The following NOTCH2NLC variants were observed in gnomAD, a reference collection of about 807,000 sequenced individuals.
NOTCH2NLC encodes the protein notch 2 N-terminal like C, also known as notch homolog 2 N-terminal-like protein C.
In NOTCH2NLC, 4 loss-of-function variants were observed where a neutral mutation model predicts 17.7. The observed-to-expected ratio is 0.23, with a 90% CI of 0.11 to 0.52. The LOEUF (loss-of-function observed/expected upper bound fraction) is 0.52. Ranked by LOEUF, NOTCH2NLC falls within the 20% of genes least tolerant of loss-of-function variation. The pLI is 0.96. For synonymous variants in NOTCH2NLC, 18 were observed against 86.0 expected (o/e 0.21, Z 4.38); for missense variants, 57 against 207.2 (o/e 0.28, Z 4.45).
In NOTCH2NLC at chr1:149,446,210, G is replaced by C. The variant is rs1188897817; in HGVS notation, c.210-9108G>C. 5.5e-5 allele frequency among the ~76,000 whole-genome samples: 5 copies of C among 91,040 alleles called. No individual in the cohort carries two copies. In the East Asian group the frequency reaches 8.8e-4, roughly 16 times the overall value. The allele number at this position is 91,040 out of a possible 152,430, so 59.7% of individuals were successfully genotyped here. ...CCTGAACTGCAGCCATTGCCAGATA[G>C]ATTGGAATTGCTATTCAGATCCCAG... is the stretch of plus-strand genomic sequence containing the variant. On this transcript the variant is annotated intron_variant, in intron 2 of 4. Transcript: ENST00000650865.
At chr1:149,398,558 A>G in intron 1 of NOTCH2NLC, among the ~76,000 whole-genome samples, 1 of 150,572 alleles carries the variant, frequency 6.6e-6, no homozygotes, top group East Asian at 2.0e-4. Flanking sequence ...ACCCTTTTGT[A>G]CTTGTCTTGG....
At chr1:149,395,974 C>G (rs1429108724) in intron 1 of NOTCH2NLC, among the ~76,000 whole-genome samples, 4 of 150,902 alleles carry the variant, frequency 2.7e-5, no homozygotes, top group African/African-American at 9.7e-5. Flanking sequence ...ACACACATTT[C>G]TTCTCTGTAC....
chr1:149,424,567 TG>T (rs2084400943), intron 1 of NOTCH2NLC, among the ~76,000 whole-genome samples: 3 of 150,938 alleles, frequency 2.0e-5, no homozygotes, highest in South Asian at 2.1e-4. Flanking sequence ...ATTGAGTTTT[TG>T]CTCACATATA....
At chr1:149,448,875 G>A (rs1241368485) in intron 2 of NOTCH2NLC, among the ~76,000 whole-genome samples, 1 of 144,182 alleles carries the variant, frequency 6.9e-6, no homozygotes, top group Non-Finnish European at 1.5e-5. Flanking sequence ...CCATCTACTA[G>A]CTGTGAATTT....
At chr1:149,416,572 G>C (rs1267247951) in intron 1 of NOTCH2NLC, among the ~76,000 whole-genome samples, 1 of 91,766 alleles carries the variant, frequency 1.1e-5, no homozygotes, top group African/African-American at 4.2e-5. Context: ...GTAAAATCTT[G>C]TCAAGATAGG....
chr1:149,439,996 G>A (rs1195738537), intron 2 of NOTCH2NLC, among the ~76,000 whole-genome samples: 2 of 149,282 alleles, frequency 1.3e-5, no homozygotes, highest in East Asian at 2.0e-4. Context: ...TAAGTGATGG[G>A]TGATATTATT....
At chr1:149,437,656 G>A (rs1361087144) in intron 2 of NOTCH2NLC, among the ~76,000 whole-genome samples, 7 of 143,998 alleles carry the variant, frequency 4.9e-5, no homozygotes, top group African/African-American at 1.8e-4. Flanking sequence ...GTAGAGACGG[G>A]GTTTCACTGT....
chr1:149,422,274 G>GT, intron 1 of NOTCH2NLC, among the ~76,000 whole-genome samples: 1 of 126,914 alleles, frequency 7.9e-6, no homozygotes, highest in South Asian at 3.0e-4. Context: ...TTATTCATAG[G>GT]TTTTGTCTTA....
At position 149,471,822 on chromosome 1, in the gene NOTCH2NLC, T is replaced by G. The variant is rs2084722528; in HGVS notation, c.*7669T>G. On this transcript the variant is annotated 3_prime_UTR_variant, in exon 5 of 5. Transcript: ENST00000650865. Reference sequence around the variant, plus strand: ...TAATAATAACAGTAATAAAGCAAGGTGTCTTTCCACATCTCCATGCCTTGT... The same window carrying G: ...TAATAATAACAGTAATAAAGCAAGGGGTCTTTCCACATCTCCATGCCTTGT... 7.3e-6 allele frequency among the ~76,000 whole-genome samples: 1 copy of G among 137,010 alleles called. No homozygotes were observed. Among genetic ancestry groups the G allele is most frequent in the East Asian group, 2.2e-4 (1 of 4,620 alleles). The allele number at this position is 137,010 out of a possible 152,430, so 89.9% of individuals were successfully genotyped here.
At chr1:149,462,819 C>T (rs2084657419) in intron 3 of NOTCH2NLC, among the ~76,000 whole-genome samples, 1 of 143,720 alleles carries the variant, frequency 7.0e-6, no homozygotes, top group African/African-American at 2.6e-5. Flanking sequence ...ACTAGGAAAA[C>T]AGACGGGAAG....
At chr1:149,392,896 C>G (rs1293191978) in intron 1 of NOTCH2NLC, among the ~76,000 whole-genome samples, 2 of 149,816 alleles carry the variant, frequency 1.3e-5, no homozygotes, top group African/African-American at 2.5e-5. Context: ...ACGGTGAAAC[C>G]CCGTCTCTAC....
Position 149,394,424 on chromosome 1 carries a change from G to A in NOTCH2NLC, c.135+3502G>A, listed in dbSNP as rs1168720689. Reference sequence around the variant, plus strand: ...GAATTTTAAAATTGCTGACGTAAGAGATATAGAATATAATGTCATTTCTTC... The same window carrying A: ...GAATTTTAAAATTGCTGACGTAAGAAATATAGAATATAATGTCATTTCTTC... On this transcript the variant is annotated intron_variant, in intron 1 of 4. Coordinates refer to ENST00000650865, the MANE Select transcript of NOTCH2NLC (RefSeq NM_001364013.2). Among the ~76,000 whole-genome samples the A allele has an allele frequency of 9.2e-5, 14 of 151,368 alleles. No homozygotes were observed. The East Asian group carries it at 2.7e-3, about 30-fold the overall frequency.
intron 1 of NOTCH2NLC, among the ~76,000 whole-genome samples, chr1:149,423,354 T>G (rs2084389316): frequency 2.0e-5 from 3 of 151,616 alleles, no homozygotes; most frequent in Admixed American, 2.0e-4. Flanking sequence ...GCTTCCGCAC[T>G]TCTTCTGTTT....
At position 149,400,112 on chromosome 1, in the gene NOTCH2NLC, T is replaced by TATA. The variant is rs2084234324; in HGVS notation, c.135+9190_135+9191insATA. On this transcript the variant is annotated intron_variant, in intron 1 of 4. Transcript: ENST00000650865. ...AGATTTAGAAAAGCTGTTGATTTAT[T>TATA]TATATATATATATATATATAATATA... is the stretch of plus-strand genomic sequence containing the variant. 1.1e-3 allele frequency among the ~76,000 whole-genome samples: 154 copies of TATA among 138,750 alleles called. 3 individuals carry two copies. The highest frequency in any genetic ancestry group is 3.9e-3 in the African/African-American group (148 of 37,984). The allele number at this position is 138,750 out of a possible 152,430, so 91.0% of individuals were successfully genotyped here.
intron 2 of NOTCH2NLC, among the ~76,000 whole-genome samples, chr1:149,437,257 C>T (rs1265288843): frequency 8.4e-5 from 11 of 130,644 alleles, no homozygotes; most frequent in Non-Finnish European, 1.8e-4. Context: ...AAAAAACTCA[C>T]TAATCAAAAT....
At chr1:149,406,132 CT>C (rs2084265668) in intron 1 of NOTCH2NLC, among the ~76,000 whole-genome samples, 1 of 76,056 alleles carries the variant, frequency 1.3e-5, no homozygotes, top group African/African-American at 3.8e-5. Context: ...ACTAACCTGT[CT>C]TGGCTTAGGA....
chr1:149,437,070 A>C (rs1382373005), intron 2 of NOTCH2NLC, among the ~76,000 whole-genome samples: 54 of 126,520 alleles, frequency 4.3e-4, no homozygotes, highest in African/African-American at 1.6e-3. Context: ...GGAAGTCATA[A>C]AATAATTACC....
At chr1:149,460,332 C>A (rs1267803444) in intron 3 of NOTCH2NLC, among the ~76,000 whole-genome samples, 1 of 141,336 alleles carries the variant, frequency 7.1e-6, no homozygotes, top group East Asian at 2.1e-4. Flanking sequence ...ATTCTGATCA[C>A]CTTTTTTTTT....
intron 3 of NOTCH2NLC, among the ~76,000 whole-genome samples, chr1:149,460,078 C>CATG (rs1477885898): frequency 7.8e-6 from 1 of 128,554 alleles, no homozygotes; most frequent in Non-Finnish European, 1.7e-5. Context: ...TGATCTCCAT[C>CATG]ATGATGATGA....
Sources: gnomAD v4.1 joint callset for allele counts (sites outside exome capture counted in the v4.1 genomes callset) on GRCh38, gnomAD v4.1.1 for gene constraint, MANE v1.5 for transcripts, NCBI Gene and HGNC (gene_info 2026-07-23, HGNC 2026-07-21) for gene names.